The following RALGAPA2 variants were observed in gnomAD, a reference collection of about 807,000 sequenced individuals.
RALGAPA2 encodes the protein Ral GTPase activating protein catalytic subunit alpha 2.
In RALGAPA2, 139 loss-of-function variants were observed where a neutral mutation model predicts 230.4. The ratio of observed to expected loss-of-function variants is 0.60; its 90% CI spans 0.53 to 0.69. The LOEUF is 0.69. RALGAPA2 is among the 30% of genes least tolerant of loss of function. The probability of loss-of-function intolerance (pLI) is 0.00; values close to 1 mark genes in which losing one functional copy is unlikely to be tolerated. For missense variants in RALGAPA2, 2,163 were observed against 2,276.0 expected (o/e 0.95, Z 1.01); for synonymous variants, 847 against 837.8 (o/e 1.01, Z -0.19).
intron 35 of RALGAPA2, among the ~76,000 whole-genome samples, chr20:20,498,746 C>A (rs2062287194): frequency 6.6e-6 from 1 of 152,190 alleles, no homozygotes; most frequent in African/African-American, 2.4e-5. Flanking sequence ...CCTTTCATCC[C>A]TTTTCACTCG....
intron 37 of RALGAPA2, among the ~76,000 whole-genome samples, chr20:20,442,503 T>C (rs1003799345): frequency 2.0e-5 from 3 of 152,250 alleles, no homozygotes; most frequent in African/African-American, 7.2e-5. Flanking sequence ...CACCAAAGAA[T>C]AACTGTGTTA....
At chr20:20,453,160 C>T (rs2061028862) in intron 37 of RALGAPA2, among the ~76,000 whole-genome samples, 1 of 152,148 alleles carries the variant, frequency 6.6e-6, no homozygotes, top group Non-Finnish European at 1.5e-5. Flanking sequence ...TGCTTAATAA[C>T]TGAATAAAAT....
intron 14 of RALGAPA2, among the ~76,000 whole-genome samples, chr20:20,606,350 C>G (rs1021070680): frequency 4.6e-5 from 7 of 152,132 alleles, no homozygotes; most frequent in Non-Finnish European, 8.8e-5. Context: ...ATCTCCATGT[C>G]CAGCTTAGAC....
chr20:20,555,007 G>A (rs2064041156), intron 23 of RALGAPA2, among the ~76,000 whole-genome samples: 1 of 152,148 alleles, frequency 6.6e-6, no homozygotes, highest in Non-Finnish European at 1.5e-5. Flanking sequence ...GCAAATTCAA[G>A]GTCATGGAGA....
intron 23 of RALGAPA2, among the ~76,000 whole-genome samples, chr20:20,557,107 C>G (rs1332976508): frequency 6.6e-6 from 1 of 152,042 alleles, no homozygotes; most frequent in Non-Finnish European, 1.5e-5. Context: ...GTCAGGAGTT[C>G]AAGACCAGCC....
At chr20:20,521,443 A>G (rs920778080) in intron 30 of RALGAPA2, among the ~76,000 whole-genome samples, 1 of 152,176 alleles carries the variant, frequency 6.6e-6, no homozygotes, top group Non-Finnish European at 1.5e-5. Flanking sequence ...GGACAGGCCA[A>G]TCACGGTGGA....
chr20:20,457,572 C>T (rs906236417), intron 37 of RALGAPA2, among the ~76,000 whole-genome samples: 2 of 152,194 alleles, frequency 1.3e-5, no homozygotes, highest in East Asian at 3.9e-4. Context: ...GGTGCTGAGG[C>T]TACATCCAGG....
chr20:20,531,309 T>C (rs987423951), intron 27 of RALGAPA2, among the ~76,000 whole-genome samples: 6 of 152,110 alleles, frequency 3.9e-5, no homozygotes, highest in African/African-American at 1.4e-4. Context: ...AGCCAGATGG[T>C]GAACACTGAG....
At chr20:20,547,052 C>A (rs953247781) in intron 23 of RALGAPA2, among the ~76,000 whole-genome samples, 1 of 152,100 alleles carries the variant, frequency 6.6e-6, no homozygotes, top group African/African-American at 2.4e-5. Flanking sequence ...GATGAATTAT[C>A]CAAAATCTAA....
At chr20:20,596,026 G>GAA (rs202058362) in intron 16 of RALGAPA2, among the ~76,000 whole-genome samples, 21 of 151,956 alleles carry the variant, frequency 1.4e-4, no homozygotes, top group African/African-American at 4.8e-4. Flanking sequence ...CTCACGAAGG[G>GAA]AAAAAAACAA....
chr20:20,664,857 GT>G (rs1352633969), intron 3 of RALGAPA2, among the ~76,000 whole-genome samples: 1 of 152,158 alleles, frequency 6.6e-6, no homozygotes, highest in African/African-American at 2.4e-5. Context: ...CCTGCAGGTT[GT>G]CTTGGGACTG....
chr20:20,481,099 A>T (rs2061762991), intron 36 of RALGAPA2, among the ~76,000 whole-genome samples: 1 of 152,092 alleles, frequency 6.6e-6, no homozygotes, highest in Non-Finnish European at 1.5e-5. Flanking sequence ...ATATCCAGGG[A>T]CTCTTCTTGG....
At chr20:20,414,260 T>C (rs2060122212) in intron 37 of RALGAPA2, among the ~76,000 whole-genome samples, 1 of 152,176 alleles carries the variant, frequency 6.6e-6, no homozygotes, top group African/African-American at 2.4e-5. Flanking sequence ...CGTCTGCTTG[T>C]GGGCCTGGGT....
At chr20:20,428,602 G>A (rs548183272) in intron 37 of RALGAPA2, among the ~76,000 whole-genome samples, 1 of 152,228 alleles carries the variant, frequency 6.6e-6, no homozygotes, top group African/African-American at 2.4e-5. Flanking sequence ...TGTATCACTG[G>A]TCTCAAGGCC....
intron 32 of RALGAPA2, among the ~76,000 whole-genome samples, chr20:20,512,240 T>C (rs6082025): frequency 0.086 from 11,828 of 138,162 alleles, 647 homozygotes; most frequent in East Asian, 0.17. Context: ...CACACACACA[T>C]ACACACACAC....
intron 10 of RALGAPA2, among the ~76,000 whole-genome samples, chr20:20,621,102 C>T (rs143761584): frequency 0.012 from 1,742 of 149,802 alleles, 19 homozygotes; most frequent in South Asian, 0.026. Flanking sequence ...GGTCGCACCA[C>T]TGCACTCCAG....
intron 1 of RALGAPA2, among the ~76,000 whole-genome samples, chr20:20,702,629 G>C (rs1431300087): frequency 6.6e-6 from 1 of 152,150 alleles, no homozygotes; most frequent in Non-Finnish European, 1.5e-5. Context: ...GCTCAAAATT[G>C]GTAGATTCAG....
At chr20:20,454,071 A>G (rs74715878) in intron 37 of RALGAPA2, among the ~76,000 whole-genome samples, 3 of 152,116 alleles carry the variant, frequency 2.0e-5, no homozygotes, top group South Asian at 2.1e-4. Context: ...TTGGAGAAAA[A>G]CTTGTTTCTC....
At chr20:20,442,914 G>T (rs2060770201) in intron 37 of RALGAPA2, among the ~76,000 whole-genome samples, 1 of 152,136 alleles carries the variant, frequency 6.6e-6, no homozygotes, top group African/African-American at 2.4e-5. Context: ...TAAATGCTAA[G>T]GCTTGATACA....
Sources: gnomAD v4.1 joint callset for allele counts (sites outside exome capture counted in the v4.1 genomes callset) on GRCh38, gnomAD v4.1.1 for gene constraint, MANE v1.5 for transcripts, NCBI Gene and HGNC (gene_info 2026-07-23, HGNC 2026-07-21) for gene names.